SLC4A10: variants seen among roughly 807,000 people sequenced by gnomAD.
The protein encoded by SLC4A10 is solute carrier family 4 member 10, also known as sodium-driven chloride bicarbonate exchanger.
SLC4A10 carries 42 observed loss-of-function variants against 137.7 expected under a neutral mutation model. The observed-to-expected ratio is 0.30, with a 90% CI of 0.24 to 0.39. The LOEUF is 0.39. Among genes scored for constraint, SLC4A10 ranks in the 10% least tolerant of loss-of-function variants. The pLI is 1.00. For synonymous variants in SLC4A10, 474 were observed against 464.1 expected (o/e 1.02, Z -0.27); for missense variants, 925 against 1,355.0 (o/e 0.68, Z 4.98).
intron 15 of SLC4A10, among the ~76,000 whole-genome samples, chr2:161,910,131 A>G (rs1685480337): frequency 6.6e-6 from 1 of 152,056 alleles, no homozygotes; most frequent in Non-Finnish European, 1.5e-5. Context: ...CATGTTTAGG[A>G]TCTATATTTC....
chr2:161,837,175 T>A (rs1308896171), intron 3 of SLC4A10, among the ~76,000 whole-genome samples: 2 of 152,168 alleles, frequency 1.3e-5, no homozygotes. Context: ...ATGGTTCATA[T>A]TCACATATAT....
chr2:161,709,014 G>A (rs1396629379), intron 1 of SLC4A10, among the ~76,000 whole-genome samples: 2 of 151,526 alleles, frequency 1.3e-5, no homozygotes, highest in African/African-American at 2.4e-5. Flanking sequence ...GTGTATGTGT[G>A]TGCCTGTGTG....
At chr2:161,668,567 A>T (rs1011389042) in intron 1 of SLC4A10, among the ~76,000 whole-genome samples, 1 of 151,792 alleles carries the variant, frequency 6.6e-6, no homozygotes, top group African/African-American at 2.4e-5. Flanking sequence ...ATATTAGATG[A>T]TAGTGTTTTA....
At chr2:161,719,047 TC>T (rs1233194169) in intron 1 of SLC4A10, among the ~76,000 whole-genome samples, 1 of 152,008 alleles carries the variant, frequency 6.6e-6, no homozygotes, top group Non-Finnish European at 1.5e-5. Context: ...ATGCTATCCT[TC>T]CCCCCTCCCC....
intron 1 of SLC4A10, among the ~76,000 whole-genome samples, chr2:161,747,136 G>T (rs561841517): frequency 6.6e-6 from 1 of 152,248 alleles, no homozygotes; most frequent in African/African-American, 2.4e-5. Context: ...ACTTGCTTAG[G>T]AATTGCAGCC....
intron 10 of SLC4A10, among the ~76,000 whole-genome samples, chr2:161,887,525 C>G (rs575563056): frequency 1.7e-3 from 265 of 152,292 alleles, no homozygotes; most frequent in African/African-American, 6.0e-3. Flanking sequence ...GATGGTATCT[C>G]ATTGTGGTTT....
chr2:161,883,107 C>T (rs1417513476), intron 10 of SLC4A10, among the ~76,000 whole-genome samples: 1 of 151,980 alleles, frequency 6.6e-6, no homozygotes, highest in Non-Finnish European at 1.5e-5. Context: ...CCACTATTTT[C>T]CTTTACTTGG....
chr2:161,821,125 A>ATTGAT (rs1270246797), intron 3 of SLC4A10, among the ~76,000 whole-genome samples: 2 of 152,066 alleles, frequency 1.3e-5, no homozygotes, highest in Admixed American at 6.6e-5. Flanking sequence ...ATGAGCTTTT[A>ATTGAT]TTGATTTGTA....
At chr2:161,962,153 T>G (rs1053421809) in intron 21 of SLC4A10, among the ~76,000 whole-genome samples, 2 of 152,218 alleles carry the variant, frequency 1.3e-5, no homozygotes, top group African/African-American at 4.8e-5. Flanking sequence ...GTTACCTGCT[T>G]GTTTGGCAAT....
At chr2:161,660,588 CT>C (rs71408182) in intron 1 of SLC4A10, among the ~76,000 whole-genome samples, 4 of 120,926 alleles carry the variant, frequency 3.3e-5, no homozygotes, top group Non-Finnish European at 6.0e-5. Flanking sequence ...TTCTTTCTTT[CT>C]TTCTTTCTTT....
chr2:161,983,215 G>C lies in SLC4A10; in HGVS notation c.*63G>C. 6.5e-7 allele frequency: 1 copy of C among 1,536,784 alleles called. No homozygotes were observed. The highest frequency in any genetic ancestry group is 8.7e-7 in the Non-Finnish European group (1 of 1,147,040). ...GAAAAGAGAAGAAAGCTGACTCAGGGAAAGGTGTTGACAGGGAGACTTGTC... is the reference window on the plus strand; with the variant it reads ...GAAAAGAGAAGAAAGCTGACTCAGGCAAAGGTGTTGACAGGGAGACTTGTC... On this transcript the variant is annotated 3_prime_UTR_variant, in exon 27 of 27. Coordinates refer to ENST00000446997, the MANE Select transcript of SLC4A10 (RefSeq NM_001178015.2).
intron 1 of SLC4A10, among the ~76,000 whole-genome samples, chr2:161,685,451 C>CA (rs1359557307): frequency 1.3e-5 from 2 of 151,768 alleles, no homozygotes; most frequent in East Asian, 1.9e-4. Context: ...ACTAAAAATA[C>CA]AAAAAAATTA....
In SLC4A10 at chr2:161,846,886, T is replaced by A. The variant is rs899966870; in HGVS notation, c.416+6959T>A. On this transcript the variant is annotated intron_variant, in intron 4 of 26. Transcript: ENST00000446997. ...ATTTCTTTTGTGGTGATGGAACAGC[T>A]TCGTATGTTGATTGTGGTAGAGGTT... Among the ~76,000 whole-genome samples, 6 of 152,164 alleles carry A rather than the reference T, an allele frequency of 3.9e-5. No individual in the cohort carries two copies. The East Asian group carries it at 1.2e-3, about 29-fold the overall frequency.
intron 2 of SLC4A10, among the ~76,000 whole-genome samples, chr2:161,799,304 G>A (rs1472401596): frequency 2.0e-5 from 3 of 151,792 alleles, no homozygotes; most frequent in Non-Finnish European, 2.9e-5. Flanking sequence ...AGTCATTTTA[G>A]AACAATGACA....
intron 1 of SLC4A10, among the ~76,000 whole-genome samples, chr2:161,676,700 A>T (rs2040313492): frequency 6.6e-6 from 1 of 152,178 alleles, no homozygotes; most frequent in African/African-American, 2.4e-5. Context: ...CTATATGTTG[A>T]AAAGAATTGA....
rs924712902 is a variant in SLC4A10 at position 161,876,769 on chromosome 2, G to T, written c.949-2362G>T. On this transcript the variant is annotated intron_variant, in intron 8 of 26. Transcript: ENST00000446997. ...TATAGTACACAAACACAAAATATAGGGTTGCCCCACGAATAATATAATATG... is the reference window on the plus strand; with the variant it reads ...TATAGTACACAAACACAAAATATAGTGTTGCCCCACGAATAATATAATATG... 8.8e-4 allele frequency among the ~76,000 whole-genome samples: 134 copies of T among 151,726 alleles called. 1 individual carries two copies. Among genetic ancestry groups the T allele is most frequent in the Non-Finnish European group, 2.2e-4 (15 of 67,948 alleles).
At chr2:161,819,589 G>T (rs2057435900) in intron 3 of SLC4A10, among the ~76,000 whole-genome samples, 1 of 151,760 alleles carries the variant, frequency 6.6e-6, no homozygotes, top group Non-Finnish European at 1.5e-5. Flanking sequence ...CTGCCTCCCT[G>T]GTTCAAGCGA....
chr2:161,950,214 G>A (rs987084076), intron 18 of SLC4A10, among the ~76,000 whole-genome samples: 2 of 152,088 alleles, frequency 1.3e-5, no homozygotes, highest in Admixed American at 1.3e-4. Flanking sequence ...TAAACTGAAA[G>A]AAGCCTCTGA....
chr2:161,756,969 GA>G (rs1459018037), intron 1 of SLC4A10, among the ~76,000 whole-genome samples: 2 of 151,966 alleles, frequency 1.3e-5, no homozygotes, highest in African/African-American at 4.8e-5. Context: ...ATGTAAACGA[GA>G]AAAAAATCGC....
Sources: gnomAD v4.1 joint callset for allele counts (sites outside exome capture counted in the v4.1 genomes callset) on GRCh38, gnomAD v4.1.1 for gene constraint, MANE v1.5 for transcripts, NCBI Gene and HGNC (gene_info 2026-07-23, HGNC 2026-07-21) for gene names.